RALYL: variants seen among roughly 807,000 people sequenced by gnomAD.
The protein encoded by RALYL is RALY RNA binding protein like.
RALYL carries 29 observed loss-of-function variants against 35.1 expected under a neutral mutation model. That is an observed-to-expected ratio of 0.83 (90% CI 0.61 to 1.13). The LOEUF is 1.13. Among genes scored for constraint, RALYL ranks in the 50% most tolerant of loss-of-function variants. The pLI is 0.00. For synonymous variants in RALYL, 120 were observed against 127.6 expected (o/e 0.94, Z 0.40); for missense variants, 359 against 360.4 (o/e 1.00, Z 0.03).
chr8:84,452,950 G>A (rs2049677741), intron 1 of RALYL, among the ~76,000 whole-genome samples: 1 of 151,932 alleles, frequency 6.6e-6, no homozygotes, highest in East Asian at 1.9e-4. Context: ...TAAAGGGGCT[G>A]TGTTTACCTC....
chr8:84,636,418 C>T (rs766329813), intron 2 of RALYL, among the ~76,000 whole-genome samples: 7 of 151,676 alleles, frequency 4.6e-5, no homozygotes, highest in South Asian at 4.1e-4. Flanking sequence ...ATGGAATGTA[C>T]GCAGGACAAG....
intron 2 of RALYL, among the ~76,000 whole-genome samples, chr8:84,648,661 TC>T (rs1407373442): frequency 6.6e-6 from 1 of 151,942 alleles, no homozygotes; most frequent in Non-Finnish European, 1.5e-5. Context: ...TGTATAAATT[TC>T]AAAAGAGGAA....
chr8:84,525,330 G>A (rs2058796799), intron 1 of RALYL, among the ~76,000 whole-genome samples: 2 of 151,970 alleles, frequency 1.3e-5, no homozygotes, highest in African/African-American at 4.8e-5. Context: ...TTGTTTTTTA[G>A]TTGTAACATT....
At chr8:84,198,149 A>G (rs1346680479) in intron 1 of RALYL, among the ~76,000 whole-genome samples, 1 of 152,186 alleles carries the variant, frequency 6.6e-6, no homozygotes, top group Non-Finnish European at 1.5e-5. Flanking sequence ...ATTCATGACA[A>G]TTATCTCTAA....
chr8:84,786,220 G>C (rs1486567509), intron 3 of RALYL, among the ~76,000 whole-genome samples: 1 of 152,096 alleles, frequency 6.6e-6, no homozygotes, highest in African/African-American at 2.4e-5. Flanking sequence ...CTTTTATCTA[G>C]TCTATCATTA....
intron 1 of RALYL, among the ~76,000 whole-genome samples, chr8:84,276,941 A>G (rs1019118408): frequency 6.6e-6 from 1 of 152,238 alleles, no homozygotes; most frequent in Non-Finnish European, 1.5e-5. Flanking sequence ...GGGATAATCA[A>G]AAAATAAACA....
At chr8:84,575,393 G>A (rs1328761856) in intron 2 of RALYL, among the ~76,000 whole-genome samples, 5 of 151,988 alleles carry the variant, frequency 3.3e-5, no homozygotes, top group Admixed American at 3.3e-4. Context: ...AATTATAAAA[G>A]CAGTATAAAT....
chr8:84,540,531 T>C (rs2059951374), intron 2 of RALYL, among the ~76,000 whole-genome samples: 1 of 150,494 alleles, frequency 6.6e-6, no homozygotes, highest in African/African-American at 2.4e-5. Context: ...ATCAGTCTCA[T>C]ACTTCTGGAA....
At chr8:84,254,745 T>C (rs1257924154) in intron 1 of RALYL, among the ~76,000 whole-genome samples, 1 of 30,616 alleles carries the variant, frequency 3.3e-5, no homozygotes, top group Non-Finnish European at 5.8e-5. Flanking sequence ...GGGTAATTTA[T>C]GAAAAAAAAA....
At chr8:84,581,533 G>A (rs1367563339) in intron 2 of RALYL, among the ~76,000 whole-genome samples, 4 of 152,040 alleles carry the variant, frequency 2.6e-5, no homozygotes, top group Non-Finnish European at 5.9e-5. Flanking sequence ...GCAGAGAGCT[G>A]GCACATTGGA....
intron 1 of RALYL, among the ~76,000 whole-genome samples, chr8:84,199,508 C>A: frequency 6.6e-6 from 1 of 151,996 alleles, no homozygotes; most frequent in East Asian, 1.9e-4. Flanking sequence ...GATGTGATCC[C>A]ATTTGTCCAT....
At chr8:84,376,224 G>T (rs534830944) in intron 1 of RALYL, among the ~76,000 whole-genome samples, 11 of 151,876 alleles carry the variant, frequency 7.2e-5, no homozygotes, top group African/African-American at 1.9e-4. Flanking sequence ...TTGAACTAAG[G>T]CTCAGTACTT....
chr8:84,837,613 A>T (rs964047469), intron 4 of RALYL, among the ~76,000 whole-genome samples: 1 of 152,214 alleles, frequency 6.6e-6, no homozygotes, highest in Admixed American at 6.5e-5. Context: ...AAAAGTTTAA[A>T]TGAAATTTCA....
chr8:84,200,198 C>A (rs983881155), intron 1 of RALYL, among the ~76,000 whole-genome samples: 1 of 151,988 alleles, frequency 6.6e-6, no homozygotes, highest in Non-Finnish European at 1.5e-5. Context: ...AAACTGTTAC[C>A]ATTTACAAAT....
rs1181376595 is a variant in RALYL, at chr8:84,877,494, A to AT, written c.685+4097_685+4098insT. 2.6e-5 allele frequency among the ~76,000 whole-genome samples: 4 copies of AT among 151,890 alleles called. No individual in the cohort carries two copies. In the East Asian group the frequency reaches 7.7e-4, roughly 29 times the overall value. On this transcript the variant is annotated intron_variant, in intron 7 of 8. Transcript: ENST00000521268. ...AGCGAGATTCCATCTCAAAACAAAT[A>AT]AATATATATATATATATATACACAT...
Position 84,706,192 on chromosome 8 carries a change from T to G in RALYL, c.257-68387T>G, listed in dbSNP as rs539360612. 4.8e-6 allele frequency: 4 copies of G among 828,056 alleles called. No individual in the cohort carries two copies. The East Asian group carries it at 1.1e-4, about 22-fold the overall frequency. 51.3% of individuals were successfully genotyped at this position (828,056 alleles called of 1,614,324 possible). A position where few individuals can be genotyped will look rare whatever the true frequency, so the allele number is the denominator to read the frequency against. On this transcript the variant is annotated intron_variant, in intron 2 of 8. Transcript: ENST00000521268. Reference sequence around the variant, plus strand: ...AAAGATACTGTAGCTTTTCTCACCCTAACCTTTATCTTTATTCCTGTAACA... The same window carrying G: ...AAAGATACTGTAGCTTTTCTCACCCGAACCTTTATCTTTATTCCTGTAACA...
intron 2 of RALYL, among the ~76,000 whole-genome samples, chr8:84,618,359 A>G (rs1191223769): frequency 6.6e-6 from 1 of 151,654 alleles, no homozygotes; most frequent in African/African-American, 2.4e-5. Flanking sequence ...CATTTCTTCT[A>G]GATTTTGTAG....
At chr8:84,348,985 G>A (rs1850356825) in intron 1 of RALYL, among the ~76,000 whole-genome samples, 1 of 150,126 alleles carries the variant, frequency 6.7e-6, no homozygotes, top group African/African-American at 2.5e-5. Flanking sequence ...GAAACAGGCT[G>A]GGTAGGGAAG....
At chr8:84,565,519 C>T (rs1335018684) in intron 2 of RALYL, among the ~76,000 whole-genome samples, 1 of 151,376 alleles carries the variant, frequency 6.6e-6, no homozygotes, top group Non-Finnish European at 1.5e-5. Flanking sequence ...CAGTATTATG[C>T]ATTGTAAGGG....
Sources: allele counts gnomAD v4.1 joint callset (sites outside exome capture counted in the v4.1 genomes callset), GRCh38; gene constraint gnomAD v4.1.1; transcripts MANE v1.5; gene names NCBI Gene and HGNC (gene_info 2026-07-23, HGNC 2026-07-21).